The following NTAQ1 variants were observed in gnomAD, a reference collection of about 807,000 sequenced individuals.
NTAQ1 encodes N-terminal glutamine amidase 1.
NTAQ1 carries 21 observed loss-of-function variants against 28.2 expected under a neutral mutation model. The observed-to-expected ratio is 0.74, with a 90% CI of 0.53 to 1.07. NTAQ1 has a LOEUF of 1.07. Among genes scored for constraint, NTAQ1 ranks in the 50% least tolerant of loss-of-function variants. The pLI is 0.00. For missense variants in NTAQ1, 264 were observed against 256.6 expected, an observed-to-expected ratio of 1.03 and a Z score of -0.20; for synonymous variants, 105 against 90.0, an observed-to-expected ratio of 1.17 and a Z score of -0.94.
At chr8:123,448,403 A>C (rs1280547962), downstream of NTAQ1, among the ~76,000 whole-genome samples, 1 of 152,194 alleles carries the variant, frequency 6.6e-6, no homozygotes, top group Non-Finnish European at 1.5e-5. Context: ...ACTTGAGGTC[A>C]GGAGTTCGAG....
At chr8:123,430,900 A>G (rs1814353930) in intron 3 of NTAQ1, among the ~76,000 whole-genome samples, 1 of 152,194 alleles carries the variant, frequency 6.6e-6, no homozygotes, top group Non-Finnish European at 1.5e-5. Context: ...ATCTACTCCC[A>G]CCCCTTTATT....
chr8:123,467,525 T>G (rs536849720), exon 7 of NTAQ1, among the ~76,000 whole-genome samples: 2 of 152,234 alleles, frequency 1.3e-5, no homozygotes, highest in Non-Finnish European at 2.9e-5. Context: ...ATTAAGTGTT[T>G]TATCAATGTC....
exon 7 of NTAQ1, among the ~76,000 whole-genome samples, chr8:123,467,923 A>G (rs1158290222): frequency 6.6e-6 from 1 of 152,080 alleles, no homozygotes; most frequent in Admixed American, 6.5e-5. Flanking sequence ...CTAATTTTGT[A>G]TTTTTAGTAG....
At chr8:123,420,618 G>T (rs1416483822) in intron 1 of NTAQ1, among the ~76,000 whole-genome samples, 2 of 109,684 alleles carry the variant, frequency 1.8e-5, no homozygotes, top group Non-Finnish European at 3.5e-5. Flanking sequence ...TTGAGACAGG[G>T]TCTCACTCTG....
rs963929300 is a variant in NTAQ1 at position 123,442,098 on chromosome 8, A to G, written c.*683A>G. 6.6e-6 allele frequency: 1 copy of G among 152,476 alleles called. No homozygotes were observed. Among genetic ancestry groups the G allele is most frequent in the Non-Finnish European group, 1.5e-5 (1 of 68,054 alleles). 9.4% of individuals were successfully genotyped at this position (152,476 alleles called of 1,614,324 possible). A position where few individuals can be genotyped will look rare whatever the true frequency, so the allele number is the denominator to read the frequency against. On this transcript the variant is annotated 3_prime_UTR_variant, in exon 6 of 6. Transcript: ENST00000287387. Reference sequence around the variant, plus strand: ...TATGCCTCAATTGTAGATGAGAACCAGGGCTTTAAAAAATATTTATTACAT... The same window carrying G: ...TATGCCTCAATTGTAGATGAGAACCGGGGCTTTAAAAAATATTTATTACAT...
rs1260531287 is a variant in NTAQ1 at position 123,428,084 on chromosome 8, A to AT, written c.183+63dup. On this transcript the variant is annotated intron_variant, in intron 2 of 5. Transcript: ENST00000287387. ...GATTTAGGATGACATTAGAAGCTAA[A>AT]TTAAAAAAAAAAAAGCTAAATATAG... 55 of 1,138,258 alleles carry AT rather than the reference A, an allele frequency of 4.8e-5. No individual in the cohort carries two copies. The East Asian group carries it at 1.2e-3, about 25-fold the overall frequency. 70.5% of individuals were successfully genotyped at this position (1,138,258 alleles called of 1,614,324 possible). A position where few individuals can be genotyped will look rare whatever the true frequency, so the allele number is the denominator to read the frequency against.
intron 1 of NTAQ1, among the ~76,000 whole-genome samples, chr8:123,417,369 C>T (rs909059827): frequency 6.6e-6 from 1 of 152,108 alleles, no homozygotes; most frequent in Non-Finnish European, 1.5e-5. Context: ...ACGCGTTGTT[C>T]TGGGTGGTTT....
intron 1 of NTAQ1, among the ~76,000 whole-genome samples, chr8:123,419,646 G>A (rs1813542691): frequency 6.6e-6 from 1 of 151,974 alleles, no homozygotes; most frequent in African/African-American, 2.4e-5. Context: ...ATGCATCTCT[G>A]ACCTCAGCTC....
intron 1 of NTAQ1, among the ~76,000 whole-genome samples, chr8:123,420,926 A>G (rs900698289): frequency 6.6e-6 from 1 of 151,672 alleles, no homozygotes; most frequent in African/African-American, 2.4e-5. Flanking sequence ...AGCTGGGACT[A>G]CAGGCATGCA....
At chr8:123,433,236 C>A (rs888020502) in intron 3 of NTAQ1, among the ~76,000 whole-genome samples, 3 of 152,182 alleles carry the variant, frequency 2.0e-5, no homozygotes, top group African/African-American at 7.2e-5. Flanking sequence ...TGCAGTCCCT[C>A]AGCTGCCTAG....
chr8:123,417,053 A>G, intron 1 of NTAQ1, 121 bp downstream of exon 1: 5 of 1,029,168 alleles, frequency 4.9e-6, no homozygotes, highest in Non-Finnish European at 6.6e-6. Flanking sequence ...GGCGGGTTCT[A>G]CAGTTTTGCG....
chr8:123,468,326 A>G (rs1816004459), exon 7 of NTAQ1, among the ~76,000 whole-genome samples: 1 of 152,230 alleles, frequency 6.6e-6, no homozygotes, highest in Non-Finnish European at 1.5e-5. Context: ...AGAAGTTTTC[A>G]TCTTGCAAAT....
At chr8:123,442,607 A>G (rs1023894944), downstream of NTAQ1, among the ~76,000 whole-genome samples, 13 of 151,128 alleles carry the variant, frequency 8.6e-5, no homozygotes, top group Non-Finnish European at 1.5e-4. Context: ...AAAAAAAAAA[A>G]AAAAGAAAAG....
rs1397096485 is a variant in NTAQ1, at chr8:123,416,883, C to T, written c.34C>T (p.Gln12Ter). Residue 12 changes from glutamine (Q) to a stop codon, truncating the protein, a stop_gained, in exon 1 of 6, where the codon CAG (glutamine) becomes TAG (stop). Coordinates refer to ENST00000287387, the MANE Select transcript of NTAQ1 (RefSeq NM_018024.3). LOFTEE classifies it high-confidence loss of function. The stretch of plus-strand genomic sequence containing the variant: ...TAATGGCCCCGCTGCTGTCCACTAC[C>T]AGCCGGCCAGCCCCCCGCGGGACGC... ...EGNGPAAVHY[Q>*]PASPPRDACV... 1 of 1,528,924 alleles carries T rather than the reference C, an allele frequency of 6.5e-7. No homozygotes were observed. Among genetic ancestry groups the T allele is most frequent in the East Asian group, 2.6e-5 (1 of 38,278 alleles). The allele number at this position is 1,528,924 out of a possible 1,614,324, so 94.7% of individuals were successfully genotyped here.
chr8:123,463,309 T>C (rs1815883687), intron 6 of NTAQ1, among the ~76,000 whole-genome samples: 1 of 152,238 alleles, frequency 6.6e-6, no homozygotes, highest in Admixed American at 6.5e-5. Flanking sequence ...CTTCTCCAGA[T>C]ATCCCCAAGA....
In NTAQ1 at chr8:123,437,254, C is replaced by A. The variant is rs1210011543; in HGVS notation, c.428C>A (p.Ala143Asp). 2.5e-6 allele frequency: 4 copies of A among 1,614,038 alleles called. No homozygotes were observed. Among genetic ancestry groups the A allele is most frequent in the Non-Finnish European group, 3.4e-6 (4 of 1,180,030 alleles). Residue 143 changes from alanine to aspartate, a missense_variant, in exon 5 of 6, where the codon GCT (alanine) becomes GAT (aspartate). Transcript: ENST00000287387. ...IRADSYLKNF[A>D]SDRSHMKDSS... ...GCAGATTCATATTTGAAGAACTTTG[C>A]TTCTGACCGATCTCACATGAAAGAC...
At chr8:123,424,040 G>A (rs1027556476) in intron 1 of NTAQ1, among the ~76,000 whole-genome samples, 5 of 146,632 alleles carry the variant, frequency 3.4e-5, no homozygotes, top group Non-Finnish European at 7.4e-5. Context: ...ATGCTCCTAC[G>A]CCCGGCTGAT....
At chr8:123,460,618 A>T (rs4871381) in intron 6 of NTAQ1, among the ~76,000 whole-genome samples, 12 of 152,098 alleles carry the variant, frequency 7.9e-5, no homozygotes, top group African/African-American at 2.4e-4. Flanking sequence ...TGAATCTTGT[A>T]GGAAAAAAGC....
At chr8:123,431,102 C>T (rs991324127) in intron 3 of NTAQ1, among the ~76,000 whole-genome samples, 1 of 152,084 alleles carries the variant, frequency 6.6e-6, no homozygotes, top group African/African-American at 2.4e-5. Flanking sequence ...CTTTGGGAGG[C>T]CGAGGTGGGT....
Sources: gnomAD v4.1 joint callset for allele counts (sites outside exome capture counted in the v4.1 genomes callset) on GRCh38, gnomAD v4.1.1 for gene constraint, MANE v1.5 for transcripts, NCBI Gene and HGNC (gene_info 2026-07-23, HGNC 2026-07-21) for gene names.